The following COL24A1 variants were observed in gnomAD, a reference collection of about 807,000 sequenced individuals.
The protein encoded by COL24A1 is collagen type XXIV alpha 1 chain.
COL24A1 carries 224 observed loss-of-function variants against 253.9 expected under a neutral mutation model. The observed-to-expected ratio is 0.88, with a 90% CI of 0.79 to 0.99. The LOEUF (loss-of-function observed/expected upper bound fraction) is 0.99. Among genes scored for constraint, COL24A1 ranks in the 50% least tolerant of loss-of-function variants. COL24A1 has a pLI of 0.00. For missense variants in COL24A1, 2,131 were observed against 2,068.5 expected (o/e 1.03, Z -0.59); for synonymous variants, 685 against 673.7 (o/e 1.02, Z -0.26).
intron 32 of COL24A1, among the ~76,000 whole-genome samples, chr1:85,887,683 C>T (rs1212744737): frequency 6.6e-6 from 1 of 151,980 alleles, no homozygotes; most frequent in African/African-American, 2.4e-5. Context: ...TTTATGCCTA[C>T]GTACTTCTAA....
At chr1:85,835,222 C>CTG (rs56915138) in intron 43 of COL24A1, among the ~76,000 whole-genome samples, 1 of 151,946 alleles carries the variant, frequency 6.6e-6, no homozygotes, top group East Asian at 1.9e-4. Context: ...GCCTCTGCCT[C>CTG]CCGGGTTCAA....
At chr1:85,764,501 CACA>C (rs1667164502) in intron 53 of COL24A1, among the ~76,000 whole-genome samples, 2 of 134,212 alleles carry the variant, frequency 1.5e-5, no homozygotes, top group Admixed American at 7.7e-5. Context: ...CACACACACA[CACA>C]CCATATTCCT....
At chr1:86,082,622 TATATATTTATATAAATATATAAC>T (rs71078640) in intron 7 of COL24A1, among the ~76,000 whole-genome samples, 4 of 145,176 alleles carry the variant, frequency 2.8e-5, no homozygotes, top group Non-Finnish European at 6.0e-5. Context: ...TAATAATTTG[TATATATTTATATAAATATATAAC>T]ATATATTTAT....
At chr1:85,960,555 TATTAA>T (rs1335532643) in intron 24 of COL24A1, among the ~76,000 whole-genome samples, 2 of 152,144 alleles carry the variant, frequency 1.3e-5, no homozygotes, top group Non-Finnish European at 2.9e-5. Flanking sequence ...ATCTTCAAGC[TATTAA>T]ATTATTGTAT....
chr1:85,889,705 A>G, intron 31 of COL24A1, 92 bp from the exon 32 acceptor site: 1 of 1,079,234 alleles, frequency 9.3e-7, no homozygotes, highest in Non-Finnish European at 1.4e-6. Flanking sequence ...GGATCCTTCC[A>G]CCCAACTTTT....
intron 12 of COL24A1, among the ~76,000 whole-genome samples, chr1:86,035,254 T>C: frequency 6.6e-6 from 1 of 152,184 alleles, no homozygotes; most frequent in East Asian, 1.9e-4. Flanking sequence ...TTCGTTGTCT[T>C]TGGAAGTCAA....
At chr1:86,111,026 C>A (rs1234107676) in intron 5 of COL24A1, among the ~76,000 whole-genome samples, 1 of 152,212 alleles carries the variant, frequency 6.6e-6, no homozygotes, top group South Asian at 2.1e-4. Context: ...ATGGTGGGGA[C>A]TTGGAGAACT....
chr1:85,745,677 T>G (rs1324588515), intron 55 of COL24A1, among the ~76,000 whole-genome samples, 171 bp from the exon 56 acceptor site: 1 of 152,182 alleles, frequency 6.6e-6, no homozygotes, highest in Non-Finnish European at 1.5e-5. Flanking sequence ...CCTGGATATC[T>G]GAAAGGACAA....
chr1:85,869,459 T>A (rs1680170751), intron 35 of COL24A1, among the ~76,000 whole-genome samples: 1 of 152,162 alleles, frequency 6.6e-6, no homozygotes, highest in Non-Finnish European at 1.5e-5. Flanking sequence ...AAGGTCGGGT[T>A]AACCACAAAG....
intron 5 of COL24A1, among the ~76,000 whole-genome samples, chr1:86,104,750 A>G (rs751439100): frequency 1.1e-4 from 16 of 152,190 alleles, no homozygotes; most frequent in Admixed American, 5.2e-4. Context: ...TCCCACTGCA[A>G]TGGGAGGAGC....
rs1694941899 is a variant in COL24A1, at chr1:85,997,493, T to C, written c.2311-9839A>G. Among the ~76,000 whole-genome samples, 3 of 152,050 alleles carry C rather than the reference T, an allele frequency of 2.0e-5. No homozygotes were observed. The South Asian group carries it at 6.2e-4, about 32-fold the overall frequency. On this transcript the variant is annotated intron_variant, in intron 19 of 59. Transcript: ENST00000370571. ...ATTGCTATTGCAATTGATTGAAAGATGATCATGTGGGCCGGGCGCAGTGAC... is the reference window on the plus strand; with the variant it reads ...ATTGCTATTGCAATTGATTGAAAGACGATCATGTGGGCCGGGCGCAGTGAC...
intron 2 of COL24A1, among the ~76,000 whole-genome samples, chr1:86,142,951 A>G (rs552539034): frequency 6.6e-6 from 1 of 152,330 alleles, no homozygotes; most frequent in South Asian, 2.1e-4. Flanking sequence ...TCAAGAATTA[A>G]TATAACATCA....
chr1:86,034,992 G>A (rs1698884329), intron 12 of COL24A1, among the ~76,000 whole-genome samples: 1 of 152,090 alleles, frequency 6.6e-6, no homozygotes. Context: ...ACATAGGCAA[G>A]TCAGTATTAA....
intron 52 of COL24A1, 116 bp from the exon 53 acceptor site, chr1:85,775,825 T>A (rs1668484927): frequency 2.6e-6 from 2 of 767,512 alleles, no homozygotes; most frequent in Non-Finnish European, 4.3e-6. Context: ...TTCTATATAG[T>A]AAGACCTGTT....
In COL24A1 at chr1:85,945,708, A is replaced by C. The variant is rs573793028; in HGVS notation, c.2562+15541T>G. ...ATTTCAGGTGGTTCTGGATTTTAAG[A>C]GTGAGATGAAGGGACCCACCTTCAG... On this transcript the variant is annotated intron_variant, in intron 24 of 59. Coordinates refer to ENST00000370571, the MANE Select transcript of COL24A1 (RefSeq NM_152890.7). Among the ~76,000 whole-genome samples the C allele has an allele frequency of 2.7e-5, 4 of 149,986 alleles. No individual in the cohort carries two copies. The East Asian group carries it at 7.8e-4, about 29-fold the overall frequency.
chr1:85,852,043 T>C (rs752095214), intron 37 of COL24A1, among the ~76,000 whole-genome samples: 1 of 152,246 alleles, frequency 6.6e-6, no homozygotes, highest in African/African-American at 2.4e-5. Context: ...AGTTTTAAGA[T>C]TTTGATTTTA....
intron 24 of COL24A1, among the ~76,000 whole-genome samples, chr1:85,952,423 T>C (rs2100591023): frequency 6.6e-6 from 1 of 152,356 alleles, no homozygotes; most frequent in African/African-American, 2.4e-5. Flanking sequence ...CTACACAAAA[T>C]AAATATGTGA....
chr1:85,994,481 A>G (rs971242591), intron 19 of COL24A1, among the ~76,000 whole-genome samples: 1 of 151,918 alleles, frequency 6.6e-6, no homozygotes, highest in Non-Finnish European at 1.5e-5. Flanking sequence ...ACGAGTAAGA[A>G]TGTATGCAGA....
chr1:85,819,112 T>C (rs1289070817), intron 45 of COL24A1, among the ~76,000 whole-genome samples: 1 of 152,194 alleles, frequency 6.6e-6, no homozygotes, highest in Non-Finnish European at 1.5e-5. Flanking sequence ...ACTTCCAACT[T>C]TGAAAACTAT....
Sources: allele counts gnomAD v4.1 joint callset (sites outside exome capture counted in the v4.1 genomes callset), GRCh38; gene constraint gnomAD v4.1.1; transcripts MANE v1.5; gene names NCBI Gene and HGNC (gene_info 2026-07-23, HGNC 2026-07-21).